Variants in KIAA1217 observed in about 807,000 individuals in gnomAD.
The protein encoded by KIAA1217 is KIAA1217, also known as sickle tail protein homolog.
A neutral mutation model predicts 163.9 loss-of-function variants in KIAA1217; 88 were observed. The observed-to-expected ratio is 0.54, with a 90% confidence interval of 0.45 to 0.64. The LOEUF is 0.64. Ranked by LOEUF, KIAA1217 falls within the 30% of genes least tolerant of loss-of-function variation. The pLI, the probability that KIAA1217 is intolerant of heterozygous loss-of-function variation, is 0.00. For missense variants in KIAA1217, 2,372 were observed against 2,475.0 expected, an observed-to-expected ratio of 0.96 and a Z score of 0.88; for synonymous variants, 903 against 923.1, an observed-to-expected ratio of 0.98 and a Z score of 0.39.
rs551614988 is a variant in KIAA1217, at chr10:24,065,563, T to C, written c.-171+58189T>C. Among the ~76,000 whole-genome samples the C allele has an allele frequency of 3.3e-5, 5 of 152,358 alleles. No individual in the cohort carries two copies. The South Asian group carries it at 1.0e-3, about 32-fold the overall frequency. ...TACTGAGGAGTGCTTTACTTCCAAC[T>C]ATGTGGTCAATTTTGGAATAGGTGT... On this transcript the variant is annotated intron_variant, in intron 2 of 18. Coordinates refer to the KIAA1217 transcript ENST00000376462.
chr10:23,862,041 T>C (rs1217990300), intron 1 of KIAA1217, among the ~76,000 whole-genome samples: 1 of 152,182 alleles, frequency 6.6e-6, no homozygotes, highest in Non-Finnish European at 1.5e-5. Context: ...CTGGTCAATA[T>C]TGTGAAGATG....
chr10:24,015,341 T>C (rs1564611961), intron 2 of KIAA1217, among the ~76,000 whole-genome samples: 1 of 152,144 alleles, frequency 6.6e-6, no homozygotes, highest in Non-Finnish European at 1.5e-5. Context: ...TCCATAAGAA[T>C]CAGGTAGCTC....
intron 1 of KIAA1217, among the ~76,000 whole-genome samples, chr10:23,880,406 TG>T (rs1283816628): frequency 6.6e-6 from 1 of 151,862 alleles, no homozygotes; most frequent in African/African-American, 2.4e-5. Context: ...TTAAAACAAT[TG>T]AACACATGGA....
chr10:24,208,088 G>A (rs559124877), upstream of KIAA1217, among the ~76,000 whole-genome samples: 16 of 151,334 alleles, frequency 1.1e-4, no homozygotes, highest in African/African-American at 3.6e-4. Context: ...TGACATCGCA[G>A]AGCTAATGTT....
chr10:24,355,869 C>A (rs544002997), intron 2 of KIAA1217, among the ~76,000 whole-genome samples: 1 of 150,428 alleles, frequency 6.6e-6, no homozygotes, highest in South Asian at 2.1e-4. Context: ...CTGCTTCAGC[C>A]TCCCCACTAG....
Position 24,473,303 on chromosome 10 carries a change from C to T in KIAA1217, c.922C>T (p.His308Tyr). ...PRPGSTAHPP[H>Y]AIPNSPPSTP... ...CCCCGGATCTACTGCTCATCCACCCCATGCGATTCCAAATTCCCCACCGTC... is the reference window on the plus strand; with the variant it reads ...CCCCGGATCTACTGCTCATCCACCCTATGCGATTCCAAATTCCCCACCGTC... The change falls in exon 6 of 21, where the codon CAT becomes TAT. Residue 308 changes from histidine to tyrosine, a missense_variant. His to Tyr is a moderately conservative substitution (Grantham distance 83). Transcript: ENST00000376454. 2.6e-6 allele frequency: 4 copies of T among 1,555,014 alleles called. No individual in the cohort carries two copies. Among genetic ancestry groups the T allele is most frequent in the Non-Finnish European group, 3.5e-6 (4 of 1,150,696 alleles).
chr10:24,350,636 A>G (rs186046089), intron 2 of KIAA1217, among the ~76,000 whole-genome samples: 12 of 152,314 alleles, frequency 7.9e-5, no homozygotes, highest in Admixed American at 7.8e-4. Context: ...AATTTTTAAC[A>G]TATCTAAAGG....
chr10:24,496,462 A>G (rs1343140580), intron 8 of KIAA1217, among the ~76,000 whole-genome samples: 2 of 152,256 alleles, frequency 1.3e-5, no homozygotes, highest in African/African-American at 2.4e-5. Flanking sequence ...CCATCCTTCT[A>G]TAATCCATTC....
At chr10:23,706,791 G>C (rs891812234) in intron 1 of KIAA1217, among the ~76,000 whole-genome samples, 1 of 152,114 alleles carries the variant, frequency 6.6e-6, no homozygotes, top group Non-Finnish European at 1.5e-5. Context: ...TAACACTGCT[G>C]TTCAGGCACT....
At chr10:24,336,782 A>T (rs755194081) in intron 2 of KIAA1217, among the ~76,000 whole-genome samples, 21 of 152,212 alleles carry the variant, frequency 1.4e-4, no homozygotes, top group Non-Finnish European at 2.1e-4. Context: ...ATTATTTTCA[A>T]CAACAGTGCC....
chr10:24,024,794 G>C (rs2131522522), intron 2 of KIAA1217, among the ~76,000 whole-genome samples: 1 of 151,754 alleles, frequency 6.6e-6, no homozygotes. Context: ...CAATGATGTT[G>C]AGCATCTTTT....
intron 16 of KIAA1217, among the ~76,000 whole-genome samples, chr10:24,536,144 A>G (rs1197780614): frequency 1.3e-5 from 2 of 152,204 alleles, no homozygotes; most frequent in Admixed American, 6.5e-5. Flanking sequence ...GAAGTTCACA[A>G]GAGCCAACAG....
chr10:24,394,551 A>G (rs1191432520), intron 3 of KIAA1217, among the ~76,000 whole-genome samples: 1 of 152,144 alleles, frequency 6.6e-6, no homozygotes, highest in Non-Finnish European at 1.5e-5. Context: ...AACATATACA[A>G]TCTGGTTCTT....
intron 2 of KIAA1217, among the ~76,000 whole-genome samples, chr10:24,344,964 T>C (rs931409826): frequency 2.0e-5 from 3 of 152,204 alleles, no homozygotes; most frequent in African/African-American, 7.2e-5. Context: ...TAATCCATCA[T>C]CAACTGAATG....
intron 5 of KIAA1217, among the ~76,000 whole-genome samples, chr10:24,445,890 A>G (rs1236541017): frequency 6.6e-6 from 1 of 152,126 alleles, no homozygotes; most frequent in African/African-American, 2.4e-5. Flanking sequence ...CTTTGGGTAT[A>G]TACCCAGTAA....
chr10:24,454,828 A>T (rs183062446), intron 5 of KIAA1217, among the ~76,000 whole-genome samples: 35 of 152,158 alleles, frequency 2.3e-4, no homozygotes, highest in Admixed American at 7.8e-4. Context: ...AAGCAAATCT[A>T]AAAATATGTT....
chr10:24,440,903 T>C (rs771270359), intron 5 of KIAA1217, among the ~76,000 whole-genome samples: 61 of 152,242 alleles, frequency 4.0e-4, no homozygotes, highest in Non-Finnish European at 6.9e-4. Context: ...TTGCAGACGC[T>C]AAAAGGCATG....
intron 2 of KIAA1217, among the ~76,000 whole-genome samples, chr10:24,344,432 G>A (rs2047473951): frequency 6.6e-6 from 1 of 152,162 alleles, no homozygotes; most frequent in South Asian, 2.1e-4. Context: ...CTTTGCTTTG[G>A]CAACAGTTGA....
chr10:24,413,247 A>G (rs1490415734), intron 3 of KIAA1217, among the ~76,000 whole-genome samples: 2 of 152,126 alleles, frequency 1.3e-5, no homozygotes, highest in South Asian at 4.1e-4. Context: ...GTGCAGTGGC[A>G]TGATCTCAGC....
Sources: gnomAD v4.1 joint callset for allele counts (sites outside exome capture counted in the v4.1 genomes callset) on GRCh38, gnomAD v4.1.1 for gene constraint, MANE v1.5 for transcripts, NCBI Gene and HGNC (gene_info 2026-07-23, HGNC 2026-07-21) for gene names.